The following KLHL1 variants were observed in gnomAD, a reference collection of about 807,000 sequenced individuals.
KLHL1 encodes kelch like family member 1, also known as kelch-like protein 1.
A neutral mutation model predicts 77.7 loss-of-function variants in KLHL1; 47 were observed. The ratio of observed to expected loss-of-function variants is 0.60; its 90% CI spans 0.48 to 0.77. KLHL1 has a LOEUF of 0.77. Among genes scored for constraint, KLHL1 ranks in the 30% least tolerant of loss-of-function variants. KLHL1 has a pLI of 0.00. For missense variants in KLHL1, 925 were observed against 910.8 expected (o/e 1.02, Z -0.20); for synonymous variants, 360 against 325.2 (o/e 1.11, Z -1.15).
intron 7 of KLHL1, among the ~76,000 whole-genome samples, chr13:69,758,745 G>T (rs949104504): frequency 6.6e-6 from 1 of 151,786 alleles, no homozygotes; most frequent in East Asian, 1.9e-4. Context: ...CAATTTTTTT[G>T]TTTACTGACA....
intron 5 of KLHL1, among the ~76,000 whole-genome samples, chr13:69,873,551 A>C (rs996071426): frequency 6.6e-6 from 1 of 152,172 alleles, no homozygotes; most frequent in Non-Finnish European, 1.5e-5. Context: ...AACTCTTTAC[A>C]GCAGGGTTCT....
chr13:69,825,039 A>G (rs1475636028), intron 6 of KLHL1, among the ~76,000 whole-genome samples: 1 of 152,134 alleles, frequency 6.6e-6, no homozygotes, highest in Non-Finnish European at 1.5e-5. Flanking sequence ...TGATAGATGG[A>G]TACGTATGTG....
At chr13:70,097,372 G>C (rs892977870) in intron 1 of KLHL1, among the ~76,000 whole-genome samples, 4 of 151,998 alleles carry the variant, frequency 2.6e-5, no homozygotes, top group Admixed American at 6.6e-5. Flanking sequence ...TGCAAGGTAG[G>C]AGAAATATGT....
At chr13:69,778,792 C>CCTTTT (rs1875967148) in intron 7 of KLHL1, among the ~76,000 whole-genome samples, 1 of 99,218 alleles carries the variant, frequency 1.0e-5, no homozygotes, top group African/African-American at 4.2e-5. Context: ...TATTCCCTCT[C>CCTTTT]TTTTTTTTTT....
chr13:69,732,073 CAAAT>C (rs969461212), intron 8 of KLHL1, among the ~76,000 whole-genome samples: 17 of 152,006 alleles, frequency 1.1e-4, no homozygotes, highest in African/African-American at 1.7e-4. Context: ...GGAGGGGAGT[CAAAT>C]AAAGATATCG....
Position 69,719,521 on chromosome 13 carries a change from A to T in KLHL1, c.1863T>A (p.Asp621Glu). The change falls in exon 9 of 11, where the codon GAT (aspartate) becomes GAA (glutamate). Residue 621 changes from aspartate (D) to glutamate (E), a missense_variant. By Grantham distance (45) the Asp-to-Glu change is conservative (BLOSUM62 2). Transcript: ENST00000377844. Reference sequence around the variant, plus strand: ...ACATGTTCCACTTATTTGTATGAGGATCATAATATTCCATTGAACTCAAAC... The same window carrying T: ...ACATGTTCCACTTATTTGTATGAGGTTCATAATATTCCATTGAACTCAAAC... Reference protein sequence around the residue: ...SSCLSSMEYYDPHTNKWNMCA... With the variant: ...SSCLSSMEYYEPHTNKWNMCA... 6.2e-7 allele frequency: 1 copy of T among 1,613,500 alleles called. No homozygotes were observed. Among genetic ancestry groups the T allele is most frequent in the Middle Eastern group, 1.7e-4 (1 of 6,060 alleles).
At position 69,814,586 on chromosome 13, in the gene KLHL1, A is replaced by G. The variant is rs944948541; in HGVS notation, c.1415-17624T>C. ...TAAAAAGTGGGCAAAGGACATGAACAGATACATCTCAATAGAAACATACAT... is the reference window on the plus strand; with the variant it reads ...TAAAAAGTGGGCAAAGGACATGAACGGATACATCTCAATAGAAACATACAT... On this transcript the variant is annotated intron_variant, in intron 6 of 10. Transcript: ENST00000377844. 5.9e-5 allele frequency among the ~76,000 whole-genome samples: 9 copies of G among 152,360 alleles called. No individual in the cohort carries two copies. The East Asian group carries it at 1.7e-3, about 29-fold the overall frequency.
At chr13:69,913,983 T>C (rs557275119) in intron 4 of KLHL1, among the ~76,000 whole-genome samples, 1 of 152,270 alleles carries the variant, frequency 6.6e-6, no homozygotes, top group Non-Finnish European at 1.5e-5. Flanking sequence ...ACAGCTAGAA[T>C]ATAAAGCAGG....
At chr13:69,710,045 T>C (rs1392661122) in intron 9 of KLHL1, among the ~76,000 whole-genome samples, 1 of 151,686 alleles carries the variant, frequency 6.6e-6, no homozygotes, top group Non-Finnish European at 1.5e-5. Flanking sequence ...CTTTATCATG[T>C]TGCAAATATA....
chr13:69,780,704 A>ATG lies in KLHL1; in HGVS notation c.1639+16033_1639+16034insCA, dbSNP rs1566243528. 1.6e-4 allele frequency among the ~76,000 whole-genome samples: 7 copies of ATG among 43,666 alleles called. 1 individual carries two copies. The highest frequency in any genetic ancestry group is 2.5e-4 in the African/African-American group (3 of 12,052). 28.6% of individuals were successfully genotyped at this position (43,666 alleles called of 152,430 possible). Reference sequence around the variant, plus strand: ...TTTCTTCATATATATATATATATGTATATATATATATGTATATATATATAT... The same window carrying ATG: ...TTTCTTCATATATATATATATATGTATGTATATATATATGTATATATATATAT... On this transcript the variant is annotated intron_variant, in intron 7 of 10. Coordinates refer to ENST00000377844, the MANE Select transcript of KLHL1 (RefSeq NM_020866.3).
intron 5 of KLHL1, among the ~76,000 whole-genome samples, chr13:69,862,779 T>C (rs568448784): frequency 6.6e-6 from 1 of 152,206 alleles, no homozygotes; most frequent in South Asian, 2.1e-4. Context: ...GGAAAGGCCA[T>C]GTGAGAACAC....
At chr13:69,821,921 C>T (rs2138079237) in intron 6 of KLHL1, among the ~76,000 whole-genome samples, 1 of 152,060 alleles carries the variant, frequency 6.6e-6, no homozygotes, top group East Asian at 1.9e-4. Context: ...GTGACTAGGC[C>T]AGGCCCAGTG....
intron 4 of KLHL1, among the ~76,000 whole-genome samples, chr13:69,905,455 G>A (rs1261584323): frequency 6.6e-6 from 1 of 151,978 alleles, no homozygotes; most frequent in African/African-American, 2.4e-5. Context: ...ATATTGAAAA[G>A]TAATATGACA....
intron 3 of KLHL1, among the ~76,000 whole-genome samples, chr13:69,956,636 G>C (rs1380442565): frequency 6.6e-6 from 1 of 151,412 alleles, no homozygotes; most frequent in African/African-American, 2.4e-5. Flanking sequence ...TTTAAGTTCT[G>C]ATGTTCCTAT....
chr13:69,769,244 G>A (rs1171107536), intron 7 of KLHL1, among the ~76,000 whole-genome samples: 2 of 152,156 alleles, frequency 1.3e-5, no homozygotes, highest in Non-Finnish European at 2.9e-5. Flanking sequence ...CTAAAAGAAG[G>A]GTGAGTCTGG....
intron 6 of KLHL1, among the ~76,000 whole-genome samples, chr13:69,803,828 A>G (rs913102329): frequency 6.6e-6 from 1 of 152,202 alleles, no homozygotes; most frequent in Non-Finnish European, 1.5e-5. Flanking sequence ...CCAGCAAGAA[A>G]ACAGTACCTC....
At chr13:69,924,482 G>T (rs535750167) in intron 4 of KLHL1, among the ~76,000 whole-genome samples, 1 of 152,292 alleles carries the variant, frequency 6.6e-6, no homozygotes, top group East Asian at 1.9e-4. Flanking sequence ...CCTTCTGAGA[G>T]CTGAACACTC....
intron 1 of KLHL1, among the ~76,000 whole-genome samples, chr13:69,979,740 G>T (rs1394271671): frequency 6.6e-6 from 1 of 152,096 alleles, no homozygotes; most frequent in Non-Finnish European, 1.5e-5. Flanking sequence ...TACAAGAAAT[G>T]CAATTTTAAA....
intron 1 of KLHL1, among the ~76,000 whole-genome samples, chr13:70,099,523 G>C (rs950564322): frequency 2.0e-5 from 3 of 151,852 alleles, no homozygotes; most frequent in Non-Finnish European, 4.4e-5. Context: ...AAGTATAATG[G>C]ATGACTCCTT....
Sources: gnomAD v4.1 joint callset for allele counts (sites outside exome capture counted in the v4.1 genomes callset) on GRCh38, gnomAD v4.1.1 for gene constraint, MANE v1.5 for transcripts, NCBI Gene and HGNC (gene_info 2026-07-23, HGNC 2026-07-21) for gene names.